The following CLYBL variants were observed in gnomAD, a reference collection of about 807,000 sequenced individuals.
The protein encoded by CLYBL is citramalyl-CoA lyase, also known as citramalyl-CoA lyase, mitochondrial.
A neutral mutation model predicts 38.9 loss-of-function variants in CLYBL; 31 were observed. The ratio of observed to expected loss-of-function variants is 0.80; its 90% CI spans 0.60 to 1.08. CLYBL has a LOEUF of 1.08. CLYBL is among the 50% of genes least tolerant of loss of function. The pLI is 0.00. For synonymous variants in CLYBL, 171 were observed against 158.6 expected (o/e 1.08, Z -0.59); for missense variants, 434 against 411.6 (o/e 1.05, Z -0.47).
chr13:99,819,749 G>A lies in CLYBL; in HGVS notation c.250-39112G>A, dbSNP rs1161435131. On this transcript the variant is annotated intron_variant, in intron 2 of 8. Transcript: ENST00000339105. ...ATAGATGCCCCAACTCAGGAAGAGC[G>A]AGAATTTGTCCTTTGCATTCTACTC... 2.0e-5 allele frequency among the ~76,000 whole-genome samples: 3 copies of A among 151,856 alleles called. No individual in the cohort carries two copies. The South Asian group carries it at 6.2e-4, about 32-fold the overall frequency.
chr13:99,651,210 G>T (rs1441083323), intron 1 of CLYBL, among the ~76,000 whole-genome samples: 2 of 152,198 alleles, frequency 1.3e-5, no homozygotes, highest in African/African-American at 4.8e-5. Flanking sequence ...CAACCACCTA[G>T]GTCATAGCGC....
chr13:99,894,547 C>T (rs540383258), downstream of CLYBL: 1 of 152,276 alleles, frequency 6.6e-6, no homozygotes, highest in Admixed American at 6.5e-5. Context: ...GAGTTGGGAA[C>T]ATCAGTGGTG....
chr13:99,828,453 A>G (rs2050741157), intron 2 of CLYBL, among the ~76,000 whole-genome samples: 1 of 152,208 alleles, frequency 6.6e-6, no homozygotes, highest in South Asian at 2.1e-4. Flanking sequence ...AATTGCATGC[A>G]TGGGAATTAT....
rs541703609 is a variant in CLYBL at position 99,735,787 on chromosome 13, A to T, written c.63-37037A>T. On this transcript the variant is annotated intron_variant, in intron 1 of 8. Transcript: ENST00000339105. ...ATTTAATAAATGTTAAAGAGAAAAA[A>T]ATCTACCATTGAGAATATGTTTGTT... 1.3e-4 allele frequency among the ~76,000 whole-genome samples: 20 copies of T among 152,298 alleles called. No homozygotes were observed. In the South Asian group the frequency reaches 4.1e-3, roughly 32 times the overall value.
intron 1 of CLYBL, among the ~76,000 whole-genome samples, chr13:99,691,370 TTACA>T (rs1482892329): frequency 1.3e-5 from 2 of 152,088 alleles, no homozygotes; most frequent in Non-Finnish European, 2.9e-5. Context: ...AAACCAACTC[TTACA>T]TAGAAACTCT....
At chr13:99,709,896 C>G (rs1329831647) in intron 1 of CLYBL, among the ~76,000 whole-genome samples, 1 of 143,424 alleles carries the variant, frequency 7.0e-6, no homozygotes, top group East Asian at 2.0e-4. Flanking sequence ...CTGGTTTCGC[C>G]CCTACCTTTT....
At chr13:99,633,729 G>A (rs570725918) in intron 1 of CLYBL, among the ~76,000 whole-genome samples, 1 of 151,996 alleles carries the variant, frequency 6.6e-6, no homozygotes, top group Non-Finnish European at 1.5e-5. Flanking sequence ...TGAAAATTGT[G>A]AATTTTATGA....
chr13:99,705,090 G>A (rs1022004191), intron 1 of CLYBL, among the ~76,000 whole-genome samples: 1 of 152,216 alleles, frequency 6.6e-6, no homozygotes, highest in South Asian at 2.1e-4. Flanking sequence ...AGCATATACC[G>A]AAAAGTGTTC....
At chr13:99,718,041 T>C (rs571590642) in intron 1 of CLYBL, among the ~76,000 whole-genome samples, 1 of 151,870 alleles carries the variant, frequency 6.6e-6, no homozygotes, top group Admixed American at 6.6e-5. Context: ...TTGTTTGCTT[T>C]TGTTTTTGTT....
rs189005945 is a variant in CLYBL at position 99,781,378 on chromosome 13, G to A, written c.249+8368G>A. 3.4e-3 allele frequency among the ~76,000 whole-genome samples: 517 copies of A among 151,822 alleles called. 4 individuals are homozygous for A. The highest frequency in any genetic ancestry group is 9.4e-3 in the African/African-American group (389 of 41,408). On this transcript the variant is annotated intron_variant, in intron 2 of 8. Coordinates refer to ENST00000339105, the MANE Select transcript of CLYBL (RefSeq NM_206808.5). ...GTAGAGATGGGGTTTCACTGTGTTA[G>A]CCAGGATGGTCTCAATCTCCTGACC...
chr13:99,801,653 T>C (rs1255036293), intron 2 of CLYBL, among the ~76,000 whole-genome samples: 2 of 152,232 alleles, frequency 1.3e-5, no homozygotes, highest in East Asian at 3.8e-4. Flanking sequence ...TTTATTCTTG[T>C]TAATACTGTC....
chr13:99,624,171 T>TA (rs2046837676), intron 1 of CLYBL, among the ~76,000 whole-genome samples: 2 of 152,256 alleles, frequency 1.3e-5, no homozygotes, highest in Admixed American at 1.3e-4. Flanking sequence ...TCATTGCACT[T>TA]ATGATTTGTC....
chr13:99,876,012 T>G (rs1012703366), intron 7 of CLYBL, among the ~76,000 whole-genome samples: 1 of 151,608 alleles, frequency 6.6e-6, no homozygotes, highest in Non-Finnish European at 1.5e-5. Context: ...TTTTAAACAT[T>G]TAAAGCAAAG....
chr13:99,892,571 C>T (rs1432323160), downstream of CLYBL: 1 of 152,614 alleles, frequency 6.6e-6, no homozygotes, highest in Non-Finnish European at 1.5e-5. Flanking sequence ...TGTGCCGAGA[C>T]TCTGGACGAC....
At chr13:99,722,224 G>A (rs1184724950) in intron 1 of CLYBL, among the ~76,000 whole-genome samples, 2 of 152,090 alleles carry the variant, frequency 1.3e-5, no homozygotes, top group African/African-American at 2.4e-5. Context: ...CCCTCATCTT[G>A]CACAGTCCTG....
At chr13:99,619,720 AG>A (rs1760075923) in intron 1 of CLYBL, among the ~76,000 whole-genome samples, 1 of 152,194 alleles carries the variant, frequency 6.6e-6, no homozygotes, top group Non-Finnish European at 1.5e-5. Context: ...GCCCTTATCT[AG>A]ATTGTGCCTT....
intron 1 of CLYBL, among the ~76,000 whole-genome samples, chr13:99,637,804 T>C (rs1308154364): frequency 2.0e-5 from 3 of 152,198 alleles, no homozygotes. Context: ...TGTGAATATA[T>C]ATTTATGAAT....
In CLYBL at chr13:99,880,471, T is replaced by C. The variant is rs137903540; in HGVS notation, c.927+9409T>C. On this transcript the variant is annotated intron_variant, in intron 7 of 8. Coordinates refer to ENST00000339105, the MANE Select transcript of CLYBL (RefSeq NM_206808.5). ...GACTGGGAAAGGTAGCTTTATTCAT[T>C]GTGGATCACACAGCTAGGAAAAGGC... Among the ~76,000 whole-genome samples, 4 of 152,322 alleles carry C rather than the reference T, an allele frequency of 2.6e-5. No homozygotes were observed. The East Asian group carries it at 7.7e-4, about 29-fold the overall frequency.
intron 2 of CLYBL, among the ~76,000 whole-genome samples, chr13:99,783,542 C>A (rs187553506): frequency 1.3e-5 from 2 of 151,694 alleles, no homozygotes; most frequent in African/African-American, 4.8e-5. Context: ...CTGCAAGCAC[C>A]GCCTCCTGGG....
Sources: allele counts gnomAD v4.1 joint callset (sites outside exome capture counted in the v4.1 genomes callset), GRCh38; gene constraint gnomAD v4.1.1; transcripts MANE v1.5; gene names NCBI Gene and HGNC (gene_info 2026-07-23, HGNC 2026-07-21).